PHF14: variants seen among roughly 807,000 people sequenced by gnomAD.
The protein encoded by PHF14 is PHD finger protein 14.
A neutral mutation model predicts 117.9 loss-of-function variants in PHF14; 55 were observed. That is an observed-to-expected ratio of 0.47 (90% confidence interval 0.38 to 0.58). PHF14 has a LOEUF of 0.58. Ranked by LOEUF, PHF14 falls within the 20% of genes least tolerant of loss-of-function variation. The probability of loss-of-function intolerance (pLI) is 0.00; values close to 1 mark genes in which losing one functional copy is unlikely to be tolerated. For synonymous variants in PHF14, 409 were observed against 368.6 expected, an observed-to-expected ratio of 1.11 and a Z score of -1.26; for missense variants, 978 against 1,122.2, an observed-to-expected ratio of 0.87 and a Z score of 1.84.
rs182845177 is a variant in PHF14 at position 11,075,932 on chromosome 7, G to C, written c.2654+13847G>C. ...GGATCACGAGGTCAGGAGATCGAGA[G>C]CATCCTGGCTAATACGATGAAACCC... On this transcript the variant is annotated intron_variant, in intron 16 of 17. Transcript: ENST00000634607. 5.3e-3 allele frequency among the ~76,000 whole-genome samples: 800 copies of C among 152,042 alleles called. 3 individuals are homozygous for C. The highest frequency in any genetic ancestry group is 8.3e-3 in the Non-Finnish European group (563 of 67,974).
intron 5 of PHF14, among the ~76,000 whole-genome samples, chr7:11,018,912 C>T (rs1051918837): frequency 2.6e-4 from 40 of 152,014 alleles, no homozygotes; most frequent in African/African-American, 9.4e-4. Flanking sequence ...TGAGGTATGT[C>T]TTTCTATCCC....
chr7:11,017,348 A>T (rs1294517558), intron 5 of PHF14, among the ~76,000 whole-genome samples: 1 of 152,246 alleles, frequency 6.6e-6, no homozygotes, highest in East Asian at 1.9e-4. Flanking sequence ...ACTAATATAC[A>T]TTTCATGCAA....
chr7:11,121,433 A>C (rs974185501), intron 17 of PHF14, among the ~76,000 whole-genome samples: 15 of 152,296 alleles, frequency 9.8e-5, no homozygotes, highest in African/African-American at 3.4e-4. Context: ...TTAGAAAGGT[A>C]GACTCTCAGT....
Position 11,054,819 on chromosome 7 carries a change from C to A in PHF14, c.2481+3039C>A, listed in dbSNP as rs1213082063. ...CACAGGTATTACAATTGGGAACATTCTGTCTTGTAATACATTATTATAGTA... is the reference window on the plus strand; with the variant it reads ...CACAGGTATTACAATTGGGAACATTATGTCTTGTAATACATTATTATAGTA... On this transcript the variant is annotated intron_variant, in intron 14 of 17. Coordinates refer to ENST00000634607, the MANE Select transcript of PHF14 (RefSeq NM_001007157.2). Among the ~76,000 whole-genome samples the A allele has an allele frequency of 2.0e-5, 3 of 152,240 alleles. No individual in the cohort carries two copies. In the East Asian group the frequency reaches 5.8e-4, roughly 29 times the overall value.
At position 10,983,023 on chromosome 7, in the gene PHF14, A is replaced by T; in HGVS notation, c.764A>T (p.Asn255Ile). Reference protein sequence around the residue: ...GSDEDENDEGNDEDHSSPASE... With the variant: ...GSDEDENDEGIDEDHSSPASE... ...GATGAAGACGAGAATGATGAAGGCA[A>T]TGATGAAGATCATAGTAGCCCTGCC... Residue 255 changes from asparagine to isoleucine, a missense_variant, in exon 3 of 18, where the codon AAT becomes ATT. Physicochemically the swap from Asn to Ile is moderately radical, Grantham distance 149 (BLOSUM62 -3). Around this residue, in one of 7 missense-constraint regions of PHF14, gnomAD observed 414 missense variants for 376.4 expected, o/e 1.10. Transcript: ENST00000634607. The T allele has an allele frequency of 6.3e-7, 1 of 1,587,590 alleles. No individual in the cohort carries two copies. The highest frequency in any genetic ancestry group is 8.5e-7 in the Non-Finnish European group (1 of 1,170,156).
intron 16 of PHF14, among the ~76,000 whole-genome samples, chr7:11,093,945 T>A (rs1343280606): frequency 6.6e-6 from 1 of 152,110 alleles, no homozygotes; most frequent in African/African-American, 2.4e-5. Context: ...TTTTTCCTCT[T>A]ATGTTTTTTT....
At chr7:11,141,846 A>C (rs868686611) in intron 17 of PHF14, among the ~76,000 whole-genome samples, 3 of 151,448 alleles carry the variant, frequency 2.0e-5, no homozygotes, top group African/African-American at 7.3e-5. Flanking sequence ...TTTTATTCCT[A>C]CTTGATACTG....
chr7:11,019,937 T>G (rs540777362), intron 5 of PHF14, among the ~76,000 whole-genome samples: 29 of 152,336 alleles, frequency 1.9e-4, no homozygotes, highest in African/African-American at 6.7e-4. Context: ...TCCATTACTA[T>G]TCGTCATACT....
chr7:11,062,758 A>T (rs761940232), intron 16 of PHF14: 5 of 985,134 alleles, frequency 5.1e-6, no homozygotes, highest in Non-Finnish European at 6.0e-6. Flanking sequence ...GGAAATGAAG[A>T]CATTGATCAA....
At chr7:11,050,455 G>A (rs1423498132) in intron 13 of PHF14, among the ~76,000 whole-genome samples, 1 of 151,922 alleles carries the variant, frequency 6.6e-6, no homozygotes, top group East Asian at 1.9e-4. Flanking sequence ...TTTTGAAATG[G>A]TCCTTTATGA....
Position 11,013,918 on chromosome 7 carries a change from A to T in PHF14, c.1205+12A>T. 1.3e-6 allele frequency: 2 copies of T among 1,574,366 alleles called. No individual in the cohort carries two copies. The highest frequency in any genetic ancestry group is 3.4e-5 in the Admixed American group (2 of 59,066). ...ACAGATGCTGGAAGGTTAATGTCCT[A>T]ATTATGTTGGTTCATATGTTTGCTT... On this transcript the variant is annotated intron_variant, in intron 5 of 17. Transcript: ENST00000634607.
intron 16 of PHF14, among the ~76,000 whole-genome samples, chr7:11,092,960 T>C (rs776415587): frequency 5.7e-4 from 87 of 152,326 alleles, no homozygotes; most frequent in Admixed American, 1.4e-3. Flanking sequence ...ACGTTCTAGA[T>C]TGCTCTGAAA....
At chr7:10,987,499 G>A (rs1018829377) in intron 3 of PHF14, among the ~76,000 whole-genome samples, 1 of 151,970 alleles carries the variant, frequency 6.6e-6, no homozygotes, top group Non-Finnish European at 1.5e-5. Flanking sequence ...CATTTTGGGG[G>A]TAAGTTTTAA....
intron 16 of PHF14, among the ~76,000 whole-genome samples, chr7:11,069,834 C>T (rs1039845155): frequency 2.0e-5 from 3 of 151,408 alleles, no homozygotes; most frequent in Admixed American, 2.0e-4. Flanking sequence ...ACCACCATGC[C>T]CAGCTGTTCT....
intron 16 of PHF14, among the ~76,000 whole-genome samples, chr7:11,087,939 G>C (rs1460589258): frequency 1.3e-5 from 2 of 151,918 alleles, no homozygotes; most frequent in Non-Finnish European, 2.9e-5. Context: ...AGTTACCCAG[G>C]GCAATTATTT....
At position 11,131,794 on chromosome 7, in the gene PHF14, G is replaced by T. The variant is rs951247781; in HGVS notation, c.2772+20327G>T. 4.0e-5 allele frequency among the ~76,000 whole-genome samples: 6 copies of T among 151,708 alleles called. No individual in the cohort carries two copies. The East Asian group carries it at 9.6e-4, about 24-fold the overall frequency. On this transcript the variant is annotated intron_variant, in intron 17 of 17. Transcript: ENST00000634607. The stretch of plus-strand genomic sequence containing the variant: ...TGTGATTCATTGTGAGTTAATTTTT[G>T]TGAAAGGTGTTAGACCTGTGCCTAC...
In PHF14 at chr7:11,001,105, T is replaced by C. The variant is rs577800834; in HGVS notation, c.1045+10258T>C. On this transcript the variant is annotated intron_variant, in intron 4 of 17. Transcript: ENST00000634607. ...ACGGTCTGTCTCGGAATTCATTATT[T>C]TGCATGTGTGTGTTCAATTTTTCTA... Among the ~76,000 whole-genome samples, 62 of 152,322 alleles carry C rather than the reference T, an allele frequency of 4.1e-4. 1 individual carries two copies. The highest frequency in any genetic ancestry group is 1.7e-3 in the South Asian group (8 of 4,832).
intron 17 of PHF14, among the ~76,000 whole-genome samples, chr7:11,166,233 A>G (rs1476126731): frequency 5.9e-5 from 9 of 152,118 alleles, no homozygotes; most frequent in African/African-American, 2.2e-4. Flanking sequence ...CATGAAACAA[A>G]TGTCAAACTT....
At chr7:11,118,019 T>A (rs564330698) in intron 17 of PHF14, among the ~76,000 whole-genome samples, 1 of 151,962 alleles carries the variant, frequency 6.6e-6, no homozygotes, top group African/African-American at 2.4e-5. Flanking sequence ...CTGTCTAAAT[T>A]CAGTACTCTT....
Sources: gnomAD v4.1 joint callset for allele counts (sites outside exome capture counted in the v4.1 genomes callset) on GRCh38, gnomAD v4.1.1 for gene constraint, gnomAD v4.1.1 regional missense constraint, MANE v1.5 for transcripts, NCBI Gene and HGNC (gene_info 2026-07-23, HGNC 2026-07-21) for gene names.